The following MAST4 variants were observed in gnomAD, a reference collection of about 807,000 sequenced individuals.
MAST4 encodes microtubule associated serine/threonine kinase family member 4.
Under a neutral mutation model 162.7 loss-of-function variants are expected in MAST4, and 89 were observed. That is an observed-to-expected ratio of 0.55 (90% confidence interval 0.46 to 0.65). The LOEUF (loss-of-function observed/expected upper bound fraction) is 0.65, where lower values mean the gene tolerates loss of function less well. MAST4 is among the 30% of genes least tolerant of loss of function. The probability of loss-of-function intolerance (pLI) is 0.00; values close to 1 mark genes in which losing one functional copy is unlikely to be tolerated. For missense variants in MAST4, 3,153 were observed against 3,374.0 expected (o/e 0.93, Z 1.62); for synonymous variants, 1,479 against 1,361.1 (o/e 1.09, Z -1.91).
chr5:66,790,877 AT>A (rs370926586), intron 3 of MAST4, among the ~76,000 whole-genome samples: 6 of 130,474 alleles, frequency 4.6e-5, no homozygotes, highest in East Asian at 2.6e-4. Context: ...ACAATTCATG[AT>A]TTTTTTTTGA....
chr5:66,938,418 G>T (rs900102726), intron 4 of MAST4, among the ~76,000 whole-genome samples: 8 of 152,154 alleles, frequency 5.3e-5, no homozygotes, highest in African/African-American at 1.9e-4. Flanking sequence ...ATGGCTTCAA[G>T]ATATGAAAAA....
chr5:66,677,522 C>T (rs765409680), intron 1 of MAST4, among the ~76,000 whole-genome samples: 6 of 152,114 alleles, frequency 3.9e-5, no homozygotes, highest in African/African-American at 9.7e-5. Context: ...ATTTATTGGG[C>T]GCCTACTGAG....
At position 67,167,242 on chromosome 5, in the gene MAST4, C is replaced by T; in HGVS notation, c.*191C>T. The T allele has an allele frequency of 8.1e-6, 1 of 123,180 alleles. No individual in the cohort carries two copies. Among genetic ancestry groups the T allele is most frequent in the Non-Finnish European group, 1.5e-5 (1 of 68,114 alleles). 7.6% of individuals were successfully genotyped at this position (123,180 alleles called of 1,614,324 possible). A position where few individuals can be genotyped will look rare whatever the true frequency, so the allele number is the denominator to read the frequency against. ...GCCTTCCCAGTTGTAACCGGTAAAA[C>T]TGTTACCAGATAGTGTTTGTACAAA... On this transcript the variant is annotated 3_prime_UTR_variant, in exon 29 of 29. Coordinates refer to ENST00000403625, the MANE Select transcript of MAST4 (RefSeq NM_001164664.2).
chr5:66,701,927 A>G lies in MAST4; in HGVS notation c.364-57782A>G, dbSNP rs145121702. 1.2e-3 allele frequency among the ~76,000 whole-genome samples: 177 copies of G among 152,350 alleles called. 4 individuals carry two copies. Among genetic ancestry groups the G allele is most frequent in the Admixed American group, 0.01 (156 of 15,308 alleles). On this transcript the variant is annotated intron_variant, in intron 1 of 28. Transcript: ENST00000403625. ...TTAAAAACTTTAGAAAATTAAATTC[A>G]TATATAGTTCAAAATATACTAGGCT... is the stretch of plus-strand genomic sequence containing the variant.
At chr5:67,011,508 C>T (rs531344459) in intron 4 of MAST4, among the ~76,000 whole-genome samples, 3 of 152,234 alleles carry the variant, frequency 2.0e-5, no homozygotes, top group East Asian at 1.9e-4. Context: ...TTAGCTCTCA[C>T]GTTGCTAATA....
intron 4 of MAST4, among the ~76,000 whole-genome samples, chr5:67,022,275 G>A (rs1242641733): frequency 6.6e-6 from 1 of 152,142 alleles, no homozygotes; most frequent in Non-Finnish European, 1.5e-5. Flanking sequence ...AAAGTGACGT[G>A]AACATGTTTA....
intron 1 of MAST4, among the ~76,000 whole-genome samples, chr5:66,598,205 C>G (rs1316482928): frequency 6.6e-6 from 1 of 152,172 alleles, no homozygotes; most frequent in Non-Finnish European, 1.5e-5. Flanking sequence ...GGTTCTTGGC[C>G]AAGCCACTTG....
chr5:67,166,672 G>C lies in MAST4; in HGVS notation c.7493G>C (p.Ser2498Thr). Residue 2498 changes from serine to threonine, a missense_variant, in exon 29 of 29, where the codon AGC (serine) becomes ACC (threonine). Physicochemically the swap from Ser to Thr is moderately conservative, Grantham distance 58. Transcript: ENST00000403625. ...GGCATGCTGGAGCTTCCAGCCCCCA[G>C]CAACAGGGACCATAGGAAGGCTCAG... ...AGGMLELPAP[S>T]NRDHRKAQPA... is the part of the protein sequence containing the mutation. 6.3e-7 allele frequency: 1 copy of C among 1,597,186 alleles called. No individual in the cohort carries two copies. The highest frequency in any genetic ancestry group is 8.5e-7 in the Non-Finnish European group (1 of 1,172,112).
intron 1 of MAST4, among the ~76,000 whole-genome samples, chr5:66,731,052 A>G (rs1210412019): frequency 6.6e-6 from 1 of 152,230 alleles, no homozygotes; most frequent in Non-Finnish European, 1.5e-5. Context: ...AGTTATACAT[A>G]CTATATAAAA....
At chr5:66,855,526 G>A (rs1419134351) in intron 3 of MAST4, among the ~76,000 whole-genome samples, 1 of 152,214 alleles carries the variant, frequency 6.6e-6, no homozygotes, top group Non-Finnish European at 1.5e-5. Flanking sequence ...GAACAGAGCT[G>A]GAGATGAGAA....
chr5:67,103,787 A>G (rs1765292991), intron 9 of MAST4, among the ~76,000 whole-genome samples: 1 of 152,228 alleles, frequency 6.6e-6, no homozygotes, highest in African/African-American at 2.4e-5. Context: ...CAACAACCTG[A>G]TGTTTAAGTA....
At chr5:67,064,485 C>T (rs990475017) in intron 5 of MAST4, among the ~76,000 whole-genome samples, 7 of 152,208 alleles carry the variant, frequency 4.6e-5, no homozygotes, top group African/African-American at 1.7e-4. Context: ...GGATTACTTT[C>T]CCCCAAAAGA....
At chr5:66,664,358 C>T (rs1344192440) in intron 1 of MAST4, among the ~76,000 whole-genome samples, 1 of 148,730 alleles carries the variant, frequency 6.7e-6, no homozygotes, top group Non-Finnish European at 1.5e-5. Context: ...TCGCTTGAAC[C>T]CGGGCGACGG....
At chr5:67,046,269 G>A (rs1399074966) in intron 4 of MAST4, among the ~76,000 whole-genome samples, 1 of 152,052 alleles carries the variant, frequency 6.6e-6, no homozygotes, top group African/African-American at 2.4e-5. Context: ...TTTTCATCAA[G>A]CAGATCACTG....
intron 1 of MAST4, among the ~76,000 whole-genome samples, chr5:66,647,154 T>C (rs1252284310): frequency 6.6e-6 from 1 of 152,194 alleles, no homozygotes; most frequent in Non-Finnish European, 1.5e-5. Flanking sequence ...CTTCGTAGCC[T>C]GTGTCCCCAT....
intron 1 of MAST4, among the ~76,000 whole-genome samples, chr5:66,746,956 TA>T (rs902962346): frequency 1.8e-4 from 27 of 151,504 alleles, no homozygotes; most frequent in Non-Finnish European, 3.2e-4. Flanking sequence ...ATACTAGCTT[TA>T]TTTTTTTTTT....
chr5:67,074,363 T>G (rs902790242), intron 5 of MAST4, among the ~76,000 whole-genome samples: 2 of 152,192 alleles, frequency 1.3e-5, no homozygotes, highest in African/African-American at 4.8e-5. Context: ...TTACAATGGT[T>G]TTAGCGAGCA....
chr5:66,643,973 T>C (rs978920528), intron 1 of MAST4, among the ~76,000 whole-genome samples: 8 of 151,926 alleles, frequency 5.3e-5, no homozygotes, highest in African/African-American at 1.4e-4. Context: ...TAGTCATTAT[T>C]GGCTATATGA....
chr5:67,100,349 T>C (rs1371571536), intron 7 of MAST4, 86 bp from the exon 8 acceptor site: 5 of 1,343,566 alleles, frequency 3.7e-6, no homozygotes, highest in Non-Finnish European at 5.2e-6. Context: ...GGTGGTATTG[T>C]CCAAGTTTAA....
Sources: gnomAD v4.1 joint callset for allele counts (sites outside exome capture counted in the v4.1 genomes callset) on GRCh38, gnomAD v4.1.1 for gene constraint, MANE v1.5 for transcripts, NCBI Gene and HGNC (gene_info 2026-07-23, HGNC 2026-07-21) for gene names.